Variants in KHSRP observed in about 807,000 individuals in gnomAD.
KHSRP encodes the protein KH-type splicing regulatory protein.
KHSRP carries 13 observed loss-of-function variants against 94.9 expected under a neutral mutation model. The ratio of observed to expected loss-of-function variants is 0.14; its 90% CI spans 0.09 to 0.22. The LOEUF is 0.22. Ranked by LOEUF, KHSRP falls within the 10% of genes least tolerant of loss-of-function variation. The pLI is 1.00. For synonymous variants in KHSRP, 495 were observed against 401.4 expected (o/e 1.23, Z -2.79); for missense variants, 710 against 1,010.0 (o/e 0.70, Z 4.03).
In KHSRP at chr19:6,415,651, C is replaced by G; in HGVS notation, c.1771G>C (p.Val591Leu). The G allele has an allele frequency of 6.5e-7, 1 of 1,537,704 alleles. No homozygotes were observed. Among genetic ancestry groups the G allele is most frequent in the East Asian group, 2.5e-5 (1 of 40,790 alleles). Residue 591 changes from valine (V) to leucine (L), a missense_variant, in exon 17 of 19, where the codon GTC becomes CTC. This residue lies in a region of KHSRP where 292 missense variants were observed against 340.5 expected (regional missense o/e 0.86). Coordinates refer to ENST00000600480, the MANE Select transcript of KHSRP (RefSeq NM_001366299.1). ...GCAGGGGCCGGTGCGGGGCCGGGGA[C>G]GGGGCCCGGGGGCTGCTGGTAGTAG... ...SHYYQQPPGP[V>L]PGPAPAPAAP...
In KHSRP at chr19:6,417,046, G is replaced by A. The variant is rs895107111; in HGVS notation, c.1123C>T (p.Pro375Ser). The A allele has an allele frequency of 1.4e-5, 23 of 1,613,342 alleles. No individual in the cohort carries two copies. Among genetic ancestry groups the A allele is most frequent in the Non-Finnish European group, 1.9e-5 (22 of 1,179,826 alleles). Reference protein sequence around the residue: ...GPEKIAHIMGPPDRCEHAARI... With the variant: ...GPEKIAHIMGSPDRCEHAARI... ...GCTGCGTGCTCGCACCTGTCTGGGG[G>A]CCCCATTATATGAGCAATCTTCTCG... Residue 375 changes from proline to serine, a missense_variant, in exon 12 of 19, where the codon CCC becomes TCC. By Grantham distance (74) the Pro-to-Ser change is moderately conservative (BLOSUM62 -1). Around this residue, in one of 5 missense-constraint regions of KHSRP, gnomAD observed 288 missense variants for 501.1 expected, o/e 0.57. Transcript: ENST00000600480.
At position 6,424,730 on chromosome 19, in the gene KHSRP, G is replaced by A. The variant is rs1319593679; in HGVS notation, c.-29C>T. The A allele has an allele frequency of 9.9e-6, 10 of 1,013,334 alleles. No individual in the cohort carries two copies. The highest frequency in any genetic ancestry group is 1.7e-5 in the African/African-American group (1 of 57,708). The allele number at this position is 1,013,334 out of a possible 1,614,324, so 62.8% of individuals were successfully genotyped here. ...GCGGCGGGGCCGGGCCTGGCGCGGA[G>A]GCTGAAGCTGAGGAGGCGGCGGCGG... On this transcript the variant is annotated 5_prime_UTR_variant, in exon 1 of 19. Coordinates refer to ENST00000600480, the MANE Select transcript of KHSRP (RefSeq NM_001366299.1).
rs1410866988 is a variant in KHSRP at position 6,415,405 on chromosome 19, A to G, written c.1941T>C (p.Ala647=). The G allele has an allele frequency of 6.3e-7, 1 of 1,594,824 alleles. No homozygotes were observed. The highest frequency in any genetic ancestry group is 2.3e-5 in the East Asian group (1 of 43,998). The change falls in exon 18 of 19, where the codon GCT becomes GCC. Residue 647 remains alanine (A), a synonymous_variant. Coordinates refer to ENST00000600480, the MANE Select transcript of KHSRP (RefSeq NM_001366299.1). ...CTTGCTTCTTGTAGTACTCCTCCCAAGCCTTCGTGTAGTCCTGCTGTGGGG... is the reference window on the plus strand; with the variant it reads ...CTTGCTTCTTGTAGTACTCCTCCCAGGCCTTCGTGTAGTCCTGCTGTGGGG... ...GAPPQQDYTK[A]WEEYYKKQAQ...
At position 6,416,501 on chromosome 19, in the gene KHSRP, C is replaced by T; in HGVS notation, c.1477G>A (p.Glu493Lys). Reference sequence around the variant, plus strand: ...CCGCCCCAACCCACCTCGATCTTTTCCTCGATAAGCTGCTTGGCGTGGTCA... The same window carrying T: ...CCGCCCCAACCCACCTCGATCTTTTTCTCGATAAGCTGCTTGGCGTGGTCA... Reference protein sequence around the residue: ...QIDHAKQLIEEKIEGPLCPVG... With the variant: ...QIDHAKQLIEKKIEGPLCPVG... Residue 493 changes from glutamate to lysine, a missense_variant, in exon 14 of 19, where the codon GAA (glutamate) becomes AAA (lysine). Coordinates refer to ENST00000600480, the MANE Select transcript of KHSRP (RefSeq NM_001366299.1). 1 of 1,612,816 alleles carries T rather than the reference C, an allele frequency of 6.2e-7. No homozygotes were observed. Among genetic ancestry groups the T allele is most frequent in the Non-Finnish European group, 8.5e-7 (1 of 1,179,452 alleles).
At chr19:6,424,385 T>A in intron 1 of KHSRP, 68 bp downstream of exon 1, 1 of 807,200 alleles carries the variant, frequency 1.2e-6, no homozygotes, top group South Asian at 5.6e-5. Context: ...CGCGCGCACG[T>A]GACCCCCGCC....
chr19:6,421,396 G>A (rs778176816), intron 3 of KHSRP, 79 bp from the exon 4 acceptor site: 1 of 1,443,664 alleles, frequency 6.9e-7, no homozygotes, highest in Non-Finnish European at 9.5e-7. Flanking sequence ...GGGTCAGTGG[G>A]AGCTGAGCCC....
In KHSRP at chr19:6,421,703, G is replaced by C; in HGVS notation, c.347-15C>G. 1.9e-6 allele frequency: 3 copies of C among 1,613,846 alleles called. No individual in the cohort carries two copies. The highest frequency in any genetic ancestry group is 2.5e-6 in the Non-Finnish European group (3 of 1,179,876). On this transcript the variant is annotated splice_polypyrimidine_tract_variant and intron_variant, in intron 2 of 18. Transcript: ENST00000600480. ...CTCCGGTTGATCTGGGAAAGAGAGA[G>C]GATGGCAGATGCAGCACCCACCCAC...
chr19:6,418,738 G>A lies in KHSRP; in HGVS notation c.744C>T (p.Val248=). 1 of 1,613,536 alleles carries A rather than the reference G, an allele frequency of 6.2e-7. No individual in the cohort carries two copies. The highest frequency in any genetic ancestry group is 8.5e-7 in the Non-Finnish European group (1 of 1,179,770). The change falls in exon 8 of 19, where the codon GTC becomes GTT. Residue 248 remains valine, a synonymous_variant. Coordinates refer to ENST00000600480, the MANE Select transcript of KHSRP (RefSeq NM_001366299.1). The surrounding 1 kb of genome is among the most constrained non-coding windows in gnomAD (Gnocchi z 4.3). ...TAATGGTCTCCCCGCCCTTGCCAAT[G>A]ACCAGGCCGGCCTTGCCCGCGGGGA... ...IMIPAGKAGL[V]IGKGGETIKQ...
In KHSRP at chr19:6,415,860, C is replaced by T; in HGVS notation, c.1635G>A (p.Gln545=). 6.4e-7 allele frequency: 1 copy of T among 1,566,632 alleles called. No homozygotes were observed. Among genetic ancestry groups the T allele is most frequent in the Non-Finnish European group, 8.6e-7 (1 of 1,157,218 alleles). Residue 545 remains glutamine (Q), a synonymous_variant, in exon 16 of 19, where the codon CAG becomes CAA. Coordinates refer to ENST00000600480, the MANE Select transcript of KHSRP (RefSeq NM_001366299.1). ...ACTGGGGGTAGGTATTGCCCCAGCC[C>T]TGGGGTGGGTACTGGTGAGGAGGGG... The part of the protein sequence containing the change: ...GGPPPHQYPP[Q]GWGNTYPQWQ...
intron 2 of KHSRP, 52 bp downstream of exon 2, chr19:6,422,284 ACCTC>A: frequency 1.7e-6 from 2 of 1,195,230 alleles, no homozygotes; most frequent in South Asian, 2.4e-5. Context: ...AAACAAAAGC[ACCTC>A]TTTAGGCCCC....
intron 1 of KHSRP, among the ~76,000 whole-genome samples, chr19:6,423,300 A>C (rs2092206318): frequency 1.3e-5 from 2 of 152,164 alleles, no homozygotes; most frequent in Non-Finnish European, 2.9e-5. Flanking sequence ...CAAACAAAAA[A>C]CCAAGACTCT....
Position 6,414,498 on chromosome 19 carries a change from G to T in KHSRP, c.*526C>A. The T allele has an allele frequency of 9.3e-7, 1 of 1,071,846 alleles. No homozygotes were observed. The highest frequency in any genetic ancestry group is 1.1e-6 in the Non-Finnish European group (1 of 885,658). 66.4% of individuals were successfully genotyped at this position (1,071,846 alleles called of 1,614,324 possible). A position where few individuals can be genotyped will look rare whatever the true frequency, so the allele number is the denominator to read the frequency against. On this transcript the variant is annotated 3_prime_UTR_variant, in exon 19 of 19. Transcript: ENST00000600480. ...CCACAACACCCCTGTGAGGTAGGTT[G>T]GAAGGTGGCAACGATCTTCACGCCC... is the stretch of plus-strand genomic sequence containing the variant.
At chr19:6,416,466 T>A in intron 14 of KHSRP, 24 bp downstream of exon 14, 1 of 1,612,202 alleles carries the variant, frequency 6.2e-7, no homozygotes, top group Non-Finnish European at 8.5e-7. Context: ...TGAGACCAAA[T>A]CCCCAGAGCC....
intron 4 of KHSRP, 152 bp downstream of exon 4, chr19:6,421,126 C>T: frequency 4.3e-6 from 3 of 695,360 alleles, no homozygotes; most frequent in Non-Finnish European, 7.4e-6. Flanking sequence ...CACAGCTCCT[C>T]TGCCTCATTC....
At chr19:6,415,987 G>GCGCCAGAGACCCAGACCACCAGGCT in intron 15 of KHSRP, 91 bp from the exon 16 acceptor site, 1 of 840,428 alleles carries the variant, frequency 1.2e-6, no homozygotes. Context: ...CAGTGGGGAG[G>GCGCCAGAGACCCAGACCACCAGGCT]CGCCAGAGAC....
At position 6,414,634 on chromosome 19, in the gene KHSRP, C is replaced by T. The variant is rs559677514; in HGVS notation, c.*390G>A. On this transcript the variant is annotated 3_prime_UTR_variant, in exon 19 of 19. Coordinates refer to ENST00000600480, the MANE Select transcript of KHSRP (RefSeq NM_001366299.1). The stretch of plus-strand genomic sequence containing the variant: ...CGTCCCCACCAGTCCCTGCCAGAGC[C>T]AGGCCGCCTGCAACACAGTCACTTG... 7.4e-5 allele frequency: 75 copies of T among 1,010,926 alleles called. No individual in the cohort carries two copies. The highest frequency in any genetic ancestry group is 5.3e-4 in the African/African-American group (31 of 58,030). The allele number at this position is 1,010,926 out of a possible 1,614,324, so 62.6% of individuals were successfully genotyped here.
Position 6,418,093 on chromosome 19 carries a change from G to C in KHSRP, c.880-14C>G. 1 of 1,612,874 alleles carries C rather than the reference G, an allele frequency of 6.2e-7. No individual in the cohort carries two copies. The highest frequency in any genetic ancestry group is 8.5e-7 in the Non-Finnish European group (1 of 1,179,062). On this transcript the variant is annotated splice_polypyrimidine_tract_variant and intron_variant, in intron 9 of 18. Coordinates refer to ENST00000600480, the MANE Select transcript of KHSRP (RefSeq NM_001366299.1). The surrounding 1 kb of genome is among the most constrained non-coding windows in gnomAD (Gnocchi z 4.3). ...CTCACAGGCTTGCTGCAAACACACA[G>C]GAAGCAGCCCCCATGGGTGAGCCCT...
In KHSRP at chr19:6,414,629, A is replaced by G; in HGVS notation, c.*395T>C. 9.9e-7 allele frequency: 1 copy of G among 1,010,378 alleles called. No individual in the cohort carries two copies. Among genetic ancestry groups the G allele is most frequent in the Non-Finnish European group, 1.2e-6 (1 of 847,230 alleles). 62.6% of individuals were successfully genotyped at this position (1,010,378 alleles called of 1,614,324 possible). ...CCCCGCGTCCCCACCAGTCCCTGCC[A>G]GAGCCAGGCCGCCTGCAACACAGTC... On this transcript the variant is annotated 3_prime_UTR_variant, in exon 19 of 19. Transcript: ENST00000600480.
chr19:6,417,065 C>A lies in KHSRP; in HGVS notation c.1104G>T (p.Lys368Asn), dbSNP rs1317455554. Reference sequence around the variant, plus strand: ...CTGGGGGCCCCATTATATGAGCAATCTTCTCGGGCCCTGTCCCGTCATCTG... The same window carrying A: ...CTGGGGGCCCCATTATATGAGCAATATTCTCGGGCCCTGTCCCGTCATCTG... Reference protein sequence around the residue: ...FKQDDGTGPEKIAHIMGPPDR... With the variant: ...FKQDDGTGPENIAHIMGPPDR... Residue 368 changes from lysine (K) to asparagine (N), a missense_variant, in exon 12 of 19, where the codon AAG (lysine) becomes AAT (asparagine). Coordinates refer to ENST00000600480, the MANE Select transcript of KHSRP (RefSeq NM_001366299.1). The A allele has an allele frequency of 6.2e-7, 1 of 1,612,588 alleles. No individual in the cohort carries two copies. Among genetic ancestry groups the A allele is most frequent in the Admixed American group, 1.7e-5 (1 of 59,992 alleles).
Sources: gnomAD v4.1 joint callset for allele counts (sites outside exome capture counted in the v4.1 genomes callset) on GRCh38, gnomAD v4.1.1 for gene constraint, gnomAD v4.1.1 regional missense constraint, Gnocchi (gnomAD v3.1) non-coding constraint, MANE v1.5 for transcripts, NCBI Gene and HGNC (gene_info 2026-07-23, HGNC 2026-07-21) for gene names.